The following ZBTB41 variants were observed in gnomAD, a reference collection of about 807,000 sequenced individuals.
ZBTB41 encodes the protein zinc finger and BTB domain containing 41.
In ZBTB41, 42 loss-of-function variants were observed where a neutral mutation model predicts 87.6. The ratio of observed to expected loss-of-function variants is 0.48; its 90% CI spans 0.37 to 0.62. The LOEUF (loss-of-function observed/expected upper bound fraction) is 0.62. ZBTB41 is among the 20% of genes least tolerant of loss of function. ZBTB41 has a pLI of 0.00. For synonymous variants in ZBTB41, 364 were observed against 364.0 expected (o/e 1.00, Z 0.00); for missense variants, 799 against 1,078.9 (o/e 0.74, Z 3.63).
At chr1:197,171,646 T>C (rs1283233671) in intron 10 of ZBTB41, among the ~76,000 whole-genome samples, 2 of 152,024 alleles carry the variant, frequency 1.3e-5, no homozygotes, top group African/African-American at 2.4e-5. Flanking sequence ...TGACAACTTC[T>C]GGAAAGCAGC....
intron 5 of ZBTB41, among the ~76,000 whole-genome samples, chr1:197,184,058 A>G (rs7523013): frequency 0.86 from 130,346 of 152,154 alleles, 56,402 homozygotes; most frequent in East Asian, 1. Context: ...TACAAGGTAG[A>G]ACCAAAAAGA....
intron 2 of ZBTB41, among the ~76,000 whole-genome samples, chr1:197,194,121 C>T (rs938875127): frequency 6.6e-6 from 1 of 151,962 alleles, no homozygotes; most frequent in Non-Finnish European, 1.5e-5. Flanking sequence ...CGGGTTCAAG[C>T]GATTCTCCTG....
At chr1:197,194,296 G>A (rs1382459426) in intron 2 of ZBTB41, among the ~76,000 whole-genome samples, 1 of 152,098 alleles carries the variant, frequency 6.6e-6, no homozygotes, top group Non-Finnish European at 1.5e-5. Flanking sequence ...GGGATTACAG[G>A]CAGGAGCCAC....
chr1:197,172,180 AT>A lies in ZBTB41; in HGVS notation c.2053del (p.Met685CysfsTer27). ...KIFKGKSSLE[M>X]HFRTHSGEKP... ...TTTACCTGAATGCGTTCGAAAATGC[AT>A]TTCCAGACTTGATTTGCCTTTAAAA... is the stretch of plus-strand genomic sequence containing the variant. On this transcript the variant is annotated frameshift_variant, in exon 10 of 11. Coordinates refer to ENST00000367405, the MANE Select transcript of ZBTB41 (RefSeq NM_194314.3). LOFTEE classifies it high-confidence loss of function. The A allele has an allele frequency of 7.0e-7, 1 of 1,431,266 alleles. No individual in the cohort carries two copies. The highest frequency in any genetic ancestry group is 9.3e-7 in the Non-Finnish European group (1 of 1,079,086). The allele number at this position is 1,431,266 out of a possible 1,614,324, so 88.7% of individuals were successfully genotyped here.
rs745775422 is a variant in ZBTB41 at position 197,199,410 on chromosome 1, T to C, written c.1064A>G (p.Asn355Ser). 1.3e-6 allele frequency: 2 copies of C among 1,598,708 alleles called. No homozygotes were observed. Among genetic ancestry groups the C allele is most frequent in the South Asian group, 1.1e-5 (1 of 87,734 alleles). The change falls in exon 2 of 11, where the codon AAC becomes AGC. Residue 355 changes from asparagine to serine, a missense_variant. Coordinates refer to ENST00000367405, the MANE Select transcript of ZBTB41 (RefSeq NM_194314.3). ...HEGLTPVVIQNSNKKILQCPK... is the reference protein window; with the variant it reads ...HEGLTPVVIQSSNKKILQCPK... ...ACACTGCAATATTTTTTTGTTGCTG[T>C]TCTGAATGACCACTGGAGTTAACCC...
chr1:197,179,389 T>G (rs887206375), intron 6 of ZBTB41, among the ~76,000 whole-genome samples: 5 of 152,104 alleles, frequency 3.3e-5, no homozygotes, highest in African/African-American at 1.2e-4. Flanking sequence ...CATACTACAT[T>G]GCCAACTGTA....
rs1571674136 is a variant in ZBTB41, at chr1:197,199,408, T to C, written c.1066A>G (p.Ser356Gly). The C allele has an allele frequency of 1.9e-6, 3 of 1,592,954 alleles. No homozygotes were observed. The highest frequency in any genetic ancestry group is 3.4e-4 in the Middle Eastern group (2 of 5,908). ...EGLTPVVIQN[S>G]NKKILQCPKC... is the part of the protein sequence containing the mutation. ...GGACACTGCAATATTTTTTTGTTGC[T>C]GTTCTGAATGACCACTGGAGTTAAC... The change falls in exon 2 of 11, where the codon AGC becomes GGC. Residue 356 changes from serine (S) to glycine (G), a missense_variant. This residue lies in a region of ZBTB41 where 294 missense variants were observed against 340.1 expected (regional missense o/e 0.86). Coordinates refer to ENST00000367405, the MANE Select transcript of ZBTB41 (RefSeq NM_194314.3).
intron 3 of ZBTB41, 44 bp from the exon 4 acceptor site, chr1:197,190,875 AGTTAAATCAATATTCCATGTGAATAT>A (rs1408200155): frequency 7.9e-7 from 1 of 1,268,080 alleles, no homozygotes; most frequent in African/African-American, 1.5e-5. Flanking sequence ...AGGTTATATT[AGTTAAATCAATATTCCATGTGAATAT>A]GTTGACAGTA....
intron 4 of ZBTB41, 133 bp downstream of exon 4, chr1:197,190,629 A>G: frequency 1.8e-6 from 1 of 570,242 alleles, no homozygotes; most frequent in South Asian, 2.0e-5. Context: ...TATTAGAATA[A>G]TTTTATATAA....
intron 5 of ZBTB41, among the ~76,000 whole-genome samples, chr1:197,186,278 CAA>C (rs35246227): frequency 1.2e-3 from 164 of 133,140 alleles, no homozygotes; most frequent in Middle Eastern, 3.8e-3. Flanking sequence ...TATCCACAGA[CAA>C]AAAAAAAAAA....
In ZBTB41 at chr1:197,200,588, G is replaced by T; in HGVS notation, c.-115C>A. 2 of 1,045,248 alleles carry T rather than the reference G, an allele frequency of 1.9e-6. No individual in the cohort carries two copies. The highest frequency in any genetic ancestry group is 2.7e-6 in the Non-Finnish European group (2 of 747,598). 64.7% of individuals were successfully genotyped at this position (1,045,248 alleles called of 1,614,324 possible). On this transcript the variant is annotated splice_region_variant and 5_prime_UTR_variant, in exon 2 of 11. Coordinates refer to ENST00000367405, the MANE Select transcript of ZBTB41 (RefSeq NM_194314.3). ...GAAGGGGCGTGCCCAAGGGTTTCAT[G>T]GTCTGCAAAAGAGTGAGAACCACGT...
At chr1:197,194,084 T>C (rs1437959614) in intron 2 of ZBTB41, among the ~76,000 whole-genome samples, 2 of 152,082 alleles carry the variant, frequency 1.3e-5, no homozygotes, top group Non-Finnish European at 2.9e-5. Context: ...ACTGGCGCGA[T>C]CTCGGCTCAC....
intron 5 of ZBTB41, among the ~76,000 whole-genome samples, chr1:197,184,348 C>T (rs1444871113): frequency 1.3e-5 from 2 of 152,174 alleles, no homozygotes; most frequent in Non-Finnish European, 2.9e-5. Flanking sequence ...ACTAGACTCA[C>T]AAAGATTAAG....
At chr1:197,160,578 A>G (rs1433746970) in intron 10 of ZBTB41, among the ~76,000 whole-genome samples, 5 of 152,150 alleles carry the variant, frequency 3.3e-5, no homozygotes, top group Admixed American at 6.6e-5. Flanking sequence ...GTTCAGCGGA[A>G]AGAACAAAGA....
chr1:197,191,202 G>A (rs936850913), intron 3 of ZBTB41, among the ~76,000 whole-genome samples: 10 of 152,078 alleles, frequency 6.6e-5, no homozygotes, highest in African/African-American at 1.9e-4. Context: ...GCTCACACCT[G>A]TAATCCCAGC....
chr1:197,194,082 G>A (rs948909280), intron 2 of ZBTB41, among the ~76,000 whole-genome samples: 5 of 151,914 alleles, frequency 3.3e-5, no homozygotes, highest in East Asian at 1.9e-4. Flanking sequence ...GCACTGGCGC[G>A]ATCTCGGCTC....
In ZBTB41 at chr1:197,200,308, G is replaced by A. The variant is rs1483395439; in HGVS notation, c.166C>T (p.Pro56Ser). Residue 56 changes from proline to serine, a missense_variant, in exon 2 of 11, where the codon CCC (proline) becomes TCC (serine). By Grantham distance (74) the Pro-to-Ser change is moderately conservative. Coordinates refer to ENST00000367405, the MANE Select transcript of ZBTB41 (RefSeq NM_194314.3). ...AAAAGCTTTCTCTGATCTGGAGAGG[G>A]AGGAAGTTCCTGGTAACAGTGAAGA... ...EALHCYQELP[P>S]SPDQRKLLSS... 6.2e-7 allele frequency: 1 copy of A among 1,614,058 alleles called. No individual in the cohort carries two copies. Among genetic ancestry groups the A allele is most frequent in the Non-Finnish European group, 8.5e-7 (1 of 1,180,000 alleles).
intron 7 of ZBTB41, among the ~76,000 whole-genome samples, chr1:197,177,836 G>C (rs1181069937): frequency 6.6e-6 from 1 of 151,954 alleles, no homozygotes; most frequent in Non-Finnish European, 1.5e-5. Context: ...TAAACTTAAA[G>C]CAAGATAAAT....
At chr1:197,177,928 A>G (rs751188294) in intron 7 of ZBTB41, among the ~76,000 whole-genome samples, 1 of 152,132 alleles carries the variant, frequency 6.6e-6, no homozygotes, top group African/African-American at 2.4e-5. Context: ...AAGTAGTTAC[A>G]TATTATTTAT....
Sources: gnomAD v4.1 joint callset for allele counts (sites outside exome capture counted in the v4.1 genomes callset) on GRCh38, gnomAD v4.1.1 for gene constraint, gnomAD v4.1.1 regional missense constraint, MANE v1.5 for transcripts, NCBI Gene and HGNC (gene_info 2026-07-23, HGNC 2026-07-21) for gene names.